Variants in FGF1 observed in about 807,000 individuals in gnomAD.
FGF1 encodes beta-endothelial cell growth factor.
FGF1 carries 9 observed loss-of-function variants against 13.4 expected under a neutral mutation model. The ratio of observed to expected loss-of-function variants is 0.67; its 90% CI spans 0.40 to 1.17. The LOEUF (loss-of-function observed/expected upper bound fraction) is 1.17, where lower values mean the gene tolerates loss of function less well. FGF1 is among the 50% of genes most tolerant of loss of function. The probability of loss-of-function intolerance (pLI) is 0.01; values close to 1 mark genes in which losing one functional copy is unlikely to be tolerated. For missense variants in FGF1, 156 were observed against 192.7 expected, an observed-to-expected ratio of 0.81 and a Z score of 1.13; for synonymous variants, 93 against 79.0, an observed-to-expected ratio of 1.18 and a Z score of -0.94.
At chr5:142,696,189 T>G (rs1753083763) in intron 2 of FGF1, among the ~76,000 whole-genome samples, 1 of 152,168 alleles carries the variant, frequency 6.6e-6, no homozygotes, top group Non-Finnish European at 1.5e-5. Flanking sequence ...CACTAATAAT[T>G]ATCCTTCCTA....
chr5:142,599,662 C>T (rs1469440419), intron 3 of FGF1, among the ~76,000 whole-genome samples: 2 of 152,216 alleles, frequency 1.3e-5, no homozygotes, highest in Non-Finnish European at 2.9e-5. Context: ...CTCCAGTTAA[C>T]TCCTGTCACA....
chr5:142,620,762 A>T (rs952711554), intron 1 of FGF1, among the ~76,000 whole-genome samples: 28 of 152,224 alleles, frequency 1.8e-4, no homozygotes. Flanking sequence ...GTATAAAAGA[A>T]CCTTGTACCC....
At chr5:142,651,711 T>C (rs1017069557) in intron 1 of FGF1, among the ~76,000 whole-genome samples, 1 of 152,220 alleles carries the variant, frequency 6.6e-6, no homozygotes, top group Non-Finnish European at 1.5e-5. Flanking sequence ...TAGTTTTGCC[T>C]TTTCCAGAAT....
chr5:142,625,993 C>G (rs1176097420), intron 1 of FGF1, among the ~76,000 whole-genome samples: 1 of 152,138 alleles, frequency 6.6e-6, no homozygotes, highest in East Asian at 1.9e-4. Context: ...AGGGCTTGCC[C>G]TACCATTTGT....
At chr5:142,691,419 CTCAAATAAA>C (rs1469786963) in intron 2 of FGF1, among the ~76,000 whole-genome samples, 84 of 122,994 alleles carry the variant, frequency 6.8e-4, no homozygotes, top group African/African-American at 2.7e-3. Flanking sequence ...GAGACTCTGT[CTCAAATAAA>C]ATAAAATAAA....
chr5:142,667,496 G>C (rs1770622230), intron 1 of FGF1, among the ~76,000 whole-genome samples: 1 of 148,992 alleles, frequency 6.7e-6, no homozygotes, highest in Non-Finnish European at 1.5e-5. Flanking sequence ...TGAGGCAGGA[G>C]AAAGGTGTGA....
intron 2 of FGF1, among the ~76,000 whole-genome samples, chr5:142,608,561 T>C (rs1333304576): frequency 4.9e-5 from 5 of 101,958 alleles, no homozygotes; most frequent in South Asian, 5.9e-4. Context: ...TATATATATA[T>C]ATATATATAT....
chr5:142,628,409 T>C lies in FGF1; in HGVS notation c.-34-14248A>G, dbSNP rs562384069. On this transcript the variant is annotated intron_variant, in intron 1 of 3. Coordinates refer to ENST00000337706, the MANE Select transcript of FGF1 (RefSeq NM_000800.5). ...CCTGTAATCCCAGCTACTCAGGAGG[T>C]TGAGGTAAGAGAATCACTTGAACCC... 5.3e-5 allele frequency among the ~76,000 whole-genome samples: 8 copies of C among 151,832 alleles called. 1 individual carries two copies. The East Asian group carries it at 1.2e-3, about 22-fold the overall frequency.
chr5:142,668,426 CT>C (rs1227876128), intron 1 of FGF1, among the ~76,000 whole-genome samples: 1 of 152,168 alleles, frequency 6.6e-6, no homozygotes, highest in Non-Finnish European at 1.5e-5. Flanking sequence ...GTCACATGAC[CT>C]TGGGGAGGCT....
chr5:142,661,330 G>A (rs1769183176), intron 1 of FGF1, among the ~76,000 whole-genome samples: 1 of 152,146 alleles, frequency 6.6e-6, no homozygotes, highest in Non-Finnish European at 1.5e-5. Flanking sequence ...TCATCAAAAA[G>A]GCACCCAATA....
chr5:142,600,777 C>A lies in FGF1; in HGVS notation c.198G>T (p.Val66=). ...CGGTACTCTTTATATACACCTCCCCCACGCTTTCCGCACTGAGCTGCAGCT... is the reference window on the plus strand; with the variant it reads ...CGGTACTCTTTATATACACCTCCCCAACGCTTTCCGCACTGAGCTGCAGCT... ...HIQLQLSAES[V]GEVYIKSTET... The change falls in exon 3 of 4, where the codon GTG becomes GTT. Residue 66 remains valine, a synonymous_variant. Coordinates refer to ENST00000337706, the MANE Select transcript of FGF1 (RefSeq NM_000800.5). The A allele has an allele frequency of 6.2e-7, 1 of 1,613,688 alleles. No individual in the cohort carries two copies. The highest frequency in any genetic ancestry group is 1.1e-5 in the South Asian group (1 of 91,008).
At chr5:142,597,397 C>T (rs892664234) in intron 3 of FGF1, among the ~76,000 whole-genome samples, 1 of 152,116 alleles carries the variant, frequency 6.6e-6, no homozygotes, top group Non-Finnish European at 1.5e-5. Flanking sequence ...AATATCCGTA[C>T]AGTAGAACCC....
At chr5:142,692,677 GCACACACGCACACACACA>G (rs958672621) in intron 2 of FGF1, among the ~76,000 whole-genome samples, 9 of 146,730 alleles carry the variant, frequency 6.1e-5, no homozygotes, top group Non-Finnish European at 1.4e-4. Context: ...ACACACACAC[GCACACACGCACACACACA>G]CACACACGCA....
chr5:142,608,055 C>G (rs1162135747), intron 2 of FGF1, among the ~76,000 whole-genome samples: 1 of 152,186 alleles, frequency 6.6e-6, no homozygotes, highest in South Asian at 2.1e-4. Flanking sequence ...GGTTATGATC[C>G]TGCCAGTGCC....
At chr5:142,647,348 G>T (rs1766347824) in intron 1 of FGF1, among the ~76,000 whole-genome samples, 1 of 152,144 alleles carries the variant, frequency 6.6e-6, no homozygotes, top group South Asian at 2.1e-4. Flanking sequence ...GAAACTTGAA[G>T]TCCTTTTCCT....
chr5:142,660,471 TCCCTGC>T, intron 1 of FGF1, among the ~76,000 whole-genome samples: 1 of 152,332 alleles, frequency 6.6e-6, no homozygotes, highest in East Asian at 1.9e-4. Flanking sequence ...GGTTTCTCCT[TCCCTGC>T]CCAGGAGGTC....
intron 1 of FGF1, among the ~76,000 whole-genome samples, chr5:142,641,661 C>G (rs1311837468): frequency 6.6e-6 from 1 of 151,978 alleles, no homozygotes; most frequent in Non-Finnish European, 1.5e-5. Context: ...TTTGTTATCT[C>G]ATGATTTATT....
intron 1 of FGF1, among the ~76,000 whole-genome samples, chr5:142,670,534 G>T (rs1234707340): frequency 2.0e-5 from 3 of 152,050 alleles, no homozygotes; most frequent in Non-Finnish European, 4.4e-5. Flanking sequence ...TTGAGTTGTT[G>T]GCCCCCATCC....
intron 1 of FGF1, among the ~76,000 whole-genome samples, chr5:142,647,114 T>A (rs886537264): frequency 2.6e-5 from 4 of 152,312 alleles, no homozygotes; most frequent in Admixed American, 2.6e-4. Context: ...AACCTCCAAA[T>A]AAGCCAATTT....
Sources: gnomAD v4.1 joint callset for allele counts (sites outside exome capture counted in the v4.1 genomes callset) on GRCh38, gnomAD v4.1.1 for gene constraint, MANE v1.5 for transcripts, NCBI Gene and HGNC (gene_info 2026-07-23, HGNC 2026-07-21) for gene names.